Variants in IGBP1C observed in about 807,000 individuals in gnomAD.
IGBP1C encodes the protein IGBP1 family member C, also known as immunoglobulin-binding protein 1 family member C.
the IGBP1C span, among the ~76,000 whole-genome samples, chr17:58,663,253 T>C: frequency 6.6e-6 from 1 of 151,682 alleles, no homozygotes; most frequent in Non-Finnish European, 1.5e-5. Context: ...AGAAACCCTG[T>C]CTCTACTAAA....
At chr17:58,666,833 G>T in the IGBP1C span, 1 of 152,260 alleles carries the variant, frequency 6.6e-6, no homozygotes, top group African/African-American at 2.4e-5. Context: ...ACTATATCTT[G>T]GTGTTGGTAA....
chr17:58,665,947 G>C, the IGBP1C span, among the ~76,000 whole-genome samples: 3 of 151,736 alleles, frequency 2.0e-5, no homozygotes, highest in Admixed American at 2.0e-4. Context: ...TACTCAGGAG[G>C]CTGAGGCAGG....
the IGBP1C span, chr17:58,679,629 C>CT: frequency 1.3e-5 from 2 of 152,230 alleles, no homozygotes; most frequent in East Asian, 3.8e-4. Context: ...ATGCAAGAGA[C>CT]AAACCTCACC....
At chr17:58,662,912 G>A in the IGBP1C span, among the ~76,000 whole-genome samples, 1 of 151,908 alleles carries the variant, frequency 6.6e-6, no homozygotes, top group East Asian at 1.9e-4. Context: ...AAGGTCAGGA[G>A]ATCGAGACCA....
At chr17:58,660,476 C>A in the IGBP1C span, 1 of 606,534 alleles carries the variant, frequency 1.6e-6, no homozygotes, top group South Asian at 2.5e-5. Flanking sequence ...TCTTTGCCTT[C>A]GTTTTACACA....
At chr17:58,668,433 G>T in the IGBP1C span, among the ~76,000 whole-genome samples, 1 of 152,194 alleles carries the variant, frequency 6.6e-6, no homozygotes, top group East Asian at 1.9e-4. Flanking sequence ...AAATGTGGAG[G>T]AAGTAACTGG....
chr17:58,688,200 A>G, the IGBP1C span, among the ~76,000 whole-genome samples: 1 of 151,974 alleles, frequency 6.6e-6, no homozygotes, highest in South Asian at 2.1e-4. Flanking sequence ...GGCTCACTGC[A>G]ATCTCTGCCT....
chr17:58,687,766 G>A, the IGBP1C span, among the ~76,000 whole-genome samples: 16 of 152,016 alleles, frequency 1.1e-4, no homozygotes, highest in Admixed American at 8.5e-4. Flanking sequence ...AAAATGTCTC[G>A]TTATTGGAAT....
chr17:58,676,162 G>T, the IGBP1C span, among the ~76,000 whole-genome samples: 1 of 152,152 alleles, frequency 6.6e-6, no homozygotes, highest in African/African-American at 2.4e-5. Context: ...GATCACCTGA[G>T]ATCAGGAGTT....
chr17:58,685,367 T>C, the IGBP1C span, among the ~76,000 whole-genome samples: 2 of 139,758 alleles, frequency 1.4e-5, no homozygotes, highest in East Asian at 4.2e-4. Context: ...ACGTGGGAGG[T>C]GGAGGTTGCA....
the IGBP1C span, among the ~76,000 whole-genome samples, chr17:58,680,792 A>G: frequency 6.6e-6 from 1 of 152,130 alleles, no homozygotes; most frequent in Non-Finnish European, 1.5e-5. Context: ...CAGAGTTAAC[A>G]GTGTTCTTCA....
At chr17:58,678,374 G>A in the IGBP1C span, among the ~76,000 whole-genome samples, 3 of 152,070 alleles carry the variant, frequency 2.0e-5, no homozygotes, top group East Asian at 5.8e-4. Flanking sequence ...ACACATGCAC[G>A]TGTATGCTTA....
At chr17:58,665,255 G>A in the IGBP1C span, among the ~76,000 whole-genome samples, 1 of 151,640 alleles carries the variant, frequency 6.6e-6, no homozygotes. Context: ...GCCTCCCAAA[G>A]TACTGGGATT....
the IGBP1C span, among the ~76,000 whole-genome samples, chr17:58,686,502 A>G: frequency 1.3e-5 from 2 of 152,180 alleles, no homozygotes; most frequent in Admixed American, 6.6e-5. Flanking sequence ...TCTGGACGGC[A>G]GAGGGTCAGG....
At chr17:58,665,634 G>A in the IGBP1C span, among the ~76,000 whole-genome samples, 4 of 151,706 alleles carry the variant, frequency 2.6e-5, no homozygotes, top group African/African-American at 9.7e-5. Context: ...AACTCATTGC[G>A]TTTACCTCAC....
chr17:58,667,622 C>G, the IGBP1C span, among the ~76,000 whole-genome samples: 2 of 152,140 alleles, frequency 1.3e-5, no homozygotes, highest in African/African-American at 4.8e-5. Context: ...CAGTGGCTCA[C>G]GCCTGTAATC....
chr17:58,668,743 C>G, the IGBP1C span, among the ~76,000 whole-genome samples: 1 of 152,134 alleles, frequency 6.6e-6, no homozygotes, highest in African/African-American at 2.4e-5. Context: ...AGAAAATAAT[C>G]TGGATCACCC....
the IGBP1C span, among the ~76,000 whole-genome samples, chr17:58,664,271 T>G: frequency 1.3e-5 from 2 of 152,222 alleles, no homozygotes; most frequent in Non-Finnish European, 2.9e-5. Context: ...AATGCCAGGC[T>G]GACCACAGCT....
At chr17:58,675,477 T>C in the IGBP1C span, 3 of 153,004 alleles carry the variant, frequency 2.0e-5, no homozygotes, top group African/African-American at 7.2e-5. Context: ...GTTCTAAGTG[T>C]CATCTTTTGT....
Sources: allele counts gnomAD v4.1 joint callset (sites outside exome capture counted in the v4.1 genomes callset), GRCh38; gene constraint gnomAD v4.1.1; transcripts MANE v1.5; gene names NCBI Gene and HGNC (gene_info 2026-07-23, HGNC 2026-07-21).